The following BST1 variants were observed in gnomAD, a reference collection of about 807,000 sequenced individuals.
BST1 encodes ADP-ribosyl cyclase/cyclic ADP-ribose hydrolase 2.
Under a neutral mutation model 40.6 loss-of-function variants are expected in BST1, and 49 were observed. The observed-to-expected ratio is 1.21, with a 90% CI of 0.96 to 1.53. BST1 has a LOEUF of 1.53. Among genes scored for constraint, BST1 ranks in the 40% most tolerant of loss-of-function variants. The pLI, the probability that BST1 is intolerant of heterozygous loss-of-function variation, is 0.00. For missense variants in BST1, 423 were observed against 395.9 expected (o/e 1.07, Z -0.58); for synonymous variants, 157 against 159.3 (o/e 0.99, Z 0.11).
the BST1 span, among the ~76,000 whole-genome samples, chr4:15,766,616 CTG>C: frequency 6.6e-6 from 1 of 151,710 alleles, no homozygotes; most frequent in Non-Finnish European, 1.5e-5. Context: ...AATCATGCAG[CTG>C]TCTTACATGA....
chr4:15,773,301 G>A, the BST1 span, among the ~76,000 whole-genome samples: 1 of 152,238 alleles, frequency 6.6e-6, no homozygotes, highest in African/African-American at 2.4e-5. Context: ...GGAGATGTTG[G>A]TTCTTTTCAC....
At chr4:15,736,025 G>A, downstream of BST1, 1 of 1,250,202 alleles carries the variant, frequency 8.0e-7, no homozygotes, top group Non-Finnish European at 1.0e-6. Context: ...TTTTCTATGT[G>A]TTTTTATGCA....
chr4:15,730,134 T>C (rs1721301642), intron 8 of BST1, among the ~76,000 whole-genome samples: 4 of 152,180 alleles, frequency 2.6e-5, no homozygotes, highest in Non-Finnish European at 4.4e-5. Context: ...TACAAACCTG[T>C]GGGTCAGATT....
chr4:15,763,117 T>C, the BST1 span, among the ~76,000 whole-genome samples: 2 of 152,024 alleles, frequency 1.3e-5, no homozygotes, highest in African/African-American at 2.4e-5. Context: ...AAATTATTTC[T>C]AGGCTCTTGA....
chr4:15,773,347 C>A, the BST1 span, among the ~76,000 whole-genome samples: 1 of 152,208 alleles, frequency 6.6e-6, no homozygotes, highest in Non-Finnish European at 1.5e-5. Flanking sequence ...GCTGGTTTGA[C>A]AGAGAAAGAT....
intron 1 of BST1, among the ~76,000 whole-genome samples, chr4:15,705,295 A>T (rs1276256483): frequency 3.9e-5 from 6 of 151,954 alleles, no homozygotes; most frequent in Admixed American, 6.6e-5. Context: ...TGTATTCCTT[A>T]GCTCTGAGAA....
At chr4:15,718,146 G>A (rs367893710) in intron 6 of BST1, among the ~76,000 whole-genome samples, 7 of 152,132 alleles carry the variant, frequency 4.6e-5, no homozygotes, top group African/African-American at 1.4e-4. Flanking sequence ...CGAAATGAAA[G>A]AATCAACCTA....
the BST1 span, among the ~76,000 whole-genome samples, chr4:15,768,896 G>A: frequency 6.6e-6 from 1 of 152,184 alleles, no homozygotes; most frequent in Non-Finnish European, 1.5e-5. Flanking sequence ...CATGTTTCCA[G>A]AAGTTCCCAC....
intron 8 of BST1, among the ~76,000 whole-genome samples, chr4:15,726,086 C>T (rs1721093961): frequency 6.7e-6 from 1 of 150,310 alleles, no homozygotes; most frequent in Non-Finnish European, 1.5e-5. Flanking sequence ...CTCAGCCTCC[C>T]AAACAGCTGG....
intron 1 of BST1, among the ~76,000 whole-genome samples, chr4:15,704,669 C>T (rs1719779254): frequency 6.6e-6 from 1 of 151,948 alleles, no homozygotes; most frequent in Non-Finnish European, 1.5e-5. Context: ...TGGGTAACAG[C>T]CCATTGCCAC....
the BST1 span, among the ~76,000 whole-genome samples, chr4:15,770,404 C>T: frequency 5.4e-4 from 82 of 152,076 alleles, 1 homozygote; most frequent in Non-Finnish European, 1.5e-5. Flanking sequence ...TTTTCAAAGG[C>T]TTCCTAAAAA....
chr4:15,766,293 T>C, the BST1 span, among the ~76,000 whole-genome samples: 1 of 151,892 alleles, frequency 6.6e-6, no homozygotes, highest in Admixed American at 6.5e-5. Flanking sequence ...GTCTAAACTG[T>C]CACCTGAAGG....
chr4:15,741,356 A>T (rs1409922669), downstream of BST1, among the ~76,000 whole-genome samples: 1 of 152,144 alleles, frequency 6.6e-6, no homozygotes, highest in Non-Finnish European at 1.5e-5. Flanking sequence ...TCCTATTATT[A>T]TAGAAGTGCT....
chr4:15,707,370 C>G (rs755352054), intron 2 of BST1, 141 bp from the exon 3 acceptor site: 1 of 925,724 alleles, frequency 1.1e-6, no homozygotes, highest in Non-Finnish European at 1.7e-6. Flanking sequence ...ATAAAGACAA[C>G]GAAAAAGAAC....
the BST1 span, among the ~76,000 whole-genome samples, chr4:15,772,182 G>T: frequency 6.6e-6 from 1 of 152,138 alleles, no homozygotes; most frequent in Non-Finnish European, 1.5e-5. Context: ...TTTCAAAGGG[G>T]TGTGTTTTGT....
chr4:15,723,639 A>G, intron 8 of BST1: 3 of 979,482 alleles, frequency 3.1e-6, no homozygotes, highest in Non-Finnish European at 3.6e-6. Context: ...AACAATGCTG[A>G]AATATAATCC....
chr4:15,707,499 G>A lies in BST1; in HGVS notation c.316-12G>A, dbSNP rs769427869. 3 of 1,564,610 alleles carry A rather than the reference G, an allele frequency of 1.9e-6. No individual in the cohort carries two copies. The highest frequency in any genetic ancestry group is 2.7e-5 in the African/African-American group (2 of 73,218). On this transcript the variant is annotated splice_polypyrimidine_tract_variant and intron_variant, in intron 2 of 8. Coordinates refer to ENST00000265016, the MANE Select transcript of BST1 (RefSeq NM_004334.3). ...TGTTTTGTATTTTGATGTTTTGTTT[G>A]TCTTTCCTTAGTCCCTGTTCTGGGA...
At chr4:15,760,515 C>G in the BST1 span, among the ~76,000 whole-genome samples, 2 of 151,896 alleles carry the variant, frequency 1.3e-5, no homozygotes, top group Admixed American at 1.3e-4. Flanking sequence ...TCTAAAGTAG[C>G]TGAGGGCAGG....
intron 1 of BST1, 109 bp downstream of exon 1, chr4:15,703,441 G>A (rs1719660312): frequency 1.4e-6 from 2 of 1,428,074 alleles, no homozygotes; most frequent in Admixed American, 5.9e-5. Flanking sequence ...CAATGAGAGA[G>A]GCCTTGAGGG....
Sources: allele counts gnomAD v4.1 joint callset (sites outside exome capture counted in the v4.1 genomes callset), GRCh38; gene constraint gnomAD v4.1.1; transcripts MANE v1.5; gene names NCBI Gene and HGNC (gene_info 2026-07-23, HGNC 2026-07-21).